Variants in ATP2A1 observed in about 807,000 individuals in gnomAD.
ATP2A1 encodes ATPase sarcoplasmic/endoplasmic reticulum Ca2+ transporting 1.
ATP2A1 carries 83 observed loss-of-function variants against 109.5 expected under a neutral mutation model. That is an observed-to-expected ratio of 0.76 (90% CI 0.63 to 0.91). ATP2A1 has a LOEUF of 0.91. ATP2A1 is among the 40% of genes least tolerant of loss of function. The probability of loss-of-function intolerance (pLI) is 0.00; values close to 1 mark genes in which losing one functional copy is unlikely to be tolerated. For synonymous variants in ATP2A1, 505 were observed against 537.6 expected (o/e 0.94, Z 0.84); for missense variants, 1,101 against 1,341.0 (o/e 0.82, Z 2.80).
chr16:28,878,662 A>C lies in ATP2A1; in HGVS notation c.-10A>C. The C allele has an allele frequency of 6.3e-7, 1 of 1,589,804 alleles. No individual in the cohort carries two copies. Among genetic ancestry groups the C allele is most frequent in the Non-Finnish European group, 8.6e-7 (1 of 1,166,734 alleles). On this transcript the variant is annotated 5_prime_UTR_variant, in exon 1 of 23. Coordinates refer to ENST00000395503, the MANE Select transcript of ATP2A1 (RefSeq NM_004320.6). ...AACACACCGGCCCCGGCCCCCAGGA[A>C]GGGAGCACAATGGAGGCCGCTCATG...
Position 28,898,058 on chromosome 16 carries a change from C to T in ATP2A1, c.1478C>T (p.Ser493Phe). 1 of 1,614,132 alleles carries T rather than the reference C, an allele frequency of 6.2e-7. No homozygotes were observed. Among genetic ancestry groups the T allele is most frequent in the Non-Finnish European group, 8.5e-7 (1 of 1,179,960 alleles). ...FTLEFSRDRKSMSVYCSPAKS... is the reference protein window; with the variant it reads ...FTLEFSRDRKFMSVYCSPAKS... ...CTGGAGTTCTCCCGAGACAGAAAGT[C>T]CATGTCTGTCTATTGCTCCCCAGCC... The change falls in exon 13 of 23, where the codon TCC becomes TTC. Residue 493 changes from serine to phenylalanine, a missense_variant. Physicochemically the swap from Ser to Phe is radical, Grantham distance 155. Transcript: ENST00000395503. This position sits in a 1 kb window ranked among gnomAD's most constrained non-coding sequence, Gnocchi z 4.0.
intron 11 of ATP2A1, 91 bp downstream of exon 11, chr16:28,894,698 C>A: frequency 6.3e-7 from 1 of 1,596,034 alleles, no homozygotes; most frequent in Non-Finnish European, 8.6e-7. Flanking sequence ...ACCCAGTACA[C>A]CCAGCCCTCT....
chr16:28,897,903 G>A (rs2152211437), intron 12 of ATP2A1, 97 bp from the exon 13 acceptor site: 4 of 1,467,896 alleles, frequency 2.7e-6, no homozygotes, highest in Non-Finnish European at 3.8e-6. Flanking sequence ...ACCAGACTTA[G>A]TGTTAGTCTC....
intron 14 of ATP2A1, 86 bp from the exon 15 acceptor site, chr16:28,900,478 CCACTTCCTGACCTTTCA>C: frequency 2.1e-6 from 2 of 938,786 alleles, no homozygotes; most frequent in Non-Finnish European, 3.0e-6. Context: ...CCCCTCCCCA[CCACTTCCTGACCTTTCA>C]CCCCATCCCC....
In ATP2A1 at chr16:28,902,917, G is replaced by C. The variant is rs1211673786; in HGVS notation, c.2744+6G>C. On this transcript the variant is annotated splice_donor_region_variant and intron_variant, in intron 19 of 22. Coordinates refer to ENST00000395503, the MANE Select transcript of ATP2A1 (RefSeq NM_004320.6). This position sits in a 1 kb window ranked among gnomAD's most constrained non-coding sequence, Gnocchi z 4.8. Reference sequence around the variant, plus strand: ...ATGTGCAATGCACTGAACAGGTGGGGGCCCCCCAGCTACACCCACCACCCT... The same window carrying C: ...ATGTGCAATGCACTGAACAGGTGGGCGCCCCCCAGCTACACCCACCACCCT... 1 of 1,613,424 alleles carries C rather than the reference G, an allele frequency of 6.2e-7. No individual in the cohort carries two copies. Among genetic ancestry groups the C allele is most frequent in the African/African-American group, 1.3e-5 (1 of 74,750 alleles).
chr16:28,899,647 GC>G (rs1373771764), intron 14 of ATP2A1, among the ~76,000 whole-genome samples: 59 of 11,702 alleles, frequency 5.0e-3, no homozygotes, highest in Admixed American at 0.019. Flanking sequence ...CCCTGCGCCC[GC>G]CCCCCCCCCC....
intron 12 of ATP2A1, among the ~76,000 whole-genome samples, chr16:28,897,676 G>T (rs1963955385): frequency 6.6e-6 from 1 of 152,024 alleles, no homozygotes; most frequent in Admixed American, 6.6e-5. Context: ...CACCATGTTG[G>T]CCAGGCTGGT....
chr16:28,901,599 T>C (rs1353035440), intron 15 of ATP2A1, among the ~76,000 whole-genome samples: 1 of 151,960 alleles, frequency 6.6e-6, no homozygotes, highest in Non-Finnish European at 1.5e-5. Context: ...CGCCACTGCA[T>C]TCCAGCCTGG....
rs776754142 is a variant in ATP2A1 at position 28,904,247 on chromosome 16, T to A, written c.*105T>A. ...TCCTCCCCACCCCGATAGTGACACA[T>A]CTTCAGGCAGAGCTGTGGCACAGAC... On this transcript the variant is annotated 3_prime_UTR_variant, in exon 23 of 23. Coordinates refer to ENST00000395503, the MANE Select transcript of ATP2A1 (RefSeq NM_004320.6). 6.2e-7 allele frequency: 1 copy of A among 1,613,514 alleles called. No homozygotes were observed. The highest frequency in any genetic ancestry group is 1.1e-5 in the South Asian group (1 of 91,066).
At position 28,898,382 on chromosome 16, in the gene ATP2A1, C is replaced by A. The variant is rs767669406; in HGVS notation, c.1695C>A (p.Ala565=). The change falls in exon 14 of 23, where the codon GCC becomes GCA. Residue 565 remains alanine, a synonymous_variant. Coordinates refer to ENST00000395503, the MANE Select transcript of ATP2A1 (RefSeq NM_004320.6). This position sits in a 1 kb window ranked among gnomAD's most constrained non-coding sequence, Gnocchi z 4.0. The part of the protein sequence containing the change: ...GRDTLRCLAL[A]TRDTPPKREE... ...ACACCCTGCGCTGCTTGGCCCTGGC[C>A]ACCCGGGACACCCCCCCGAAGCGAG... The A allele has an allele frequency of 2.5e-6, 4 of 1,614,068 alleles. No individual in the cohort carries two copies. In the Admixed American group the frequency reaches 5.0e-5, roughly 20 times the overall value.
rs1963444885 is a variant in ATP2A1 at position 28,880,709 on chromosome 16, TC to T, written c.220-203del. Among the ~76,000 whole-genome samples, 2 of 152,342 alleles carry T rather than the reference TC, an allele frequency of 1.3e-5. No homozygotes were observed. Among genetic ancestry groups the T allele is most frequent in the South Asian group, 4.1e-4 (2 of 4,828 alleles). On this transcript the variant is annotated intron_variant, in intron 3 of 22. Coordinates refer to ENST00000395503, the MANE Select transcript of ATP2A1 (RefSeq NM_004320.6). The surrounding 1 kb of genome is among the most constrained non-coding windows in gnomAD (Gnocchi z 4.2). Reference sequence around the variant, plus strand: ...AGTGGTGCAAGTCTGTGCGCGCCCATCCCGCTGAGTAAGGCGGTGGCAGGAC... The same window carrying T: ...AGTGGTGCAAGTCTGTGCGCGCCCATCCGCTGAGTAAGGCGGTGGCAGGAC...
chr16:28,902,464 G>T lies in ATP2A1; in HGVS notation c.2524+78G>T. On this transcript the variant is annotated intron_variant, in intron 17 of 22. Transcript: ENST00000395503. This position sits in a 1 kb window ranked among gnomAD's most constrained non-coding sequence, Gnocchi z 4.8. ...TCTGGGACACCAGCTCCCCCATGCA[G>T]GTGCTGAGAGGGTCTTCTTCCTTGG... 1 of 1,578,530 alleles carries T rather than the reference G, an allele frequency of 6.3e-7. No homozygotes were observed. The highest frequency in any genetic ancestry group is 2.3e-5 in the East Asian group (1 of 44,402).
intron 9 of ATP2A1, chr16:28,892,281 T>C: frequency 4.0e-6 from 1 of 248,768 alleles, no homozygotes; most frequent in Non-Finnish European, 8.5e-6. Context: ...TGTCGTTTTT[T>C]TCTTGGCTAT....
Position 28,902,473 on chromosome 16 carries a change from A to G in ATP2A1, c.2524+87A>G. On this transcript the variant is annotated intron_variant, in intron 17 of 22. Coordinates refer to ENST00000395503, the MANE Select transcript of ATP2A1 (RefSeq NM_004320.6). The surrounding 1 kb of genome is among the most constrained non-coding windows in gnomAD (Gnocchi z 4.8). ...CCAGCTCCCCCATGCAGGTGCTGAG[A>G]GGGTCTTCTTCCTTGGCCAGCCTGT... The G allele has an allele frequency of 1.3e-6, 2 of 1,568,144 alleles. No homozygotes were observed. Among genetic ancestry groups the G allele is most frequent in the South Asian group, 1.1e-5 (1 of 87,408 alleles).
At chr16:28,888,714 T>C in intron 8 of ATP2A1, 73 bp from the exon 9 acceptor site, 1 of 1,534,370 alleles carries the variant, frequency 6.5e-7, no homozygotes, top group South Asian at 1.2e-5. Flanking sequence ...TGGGGGCTAC[T>C]ATTTAGCCCC....
chr16:28,899,986 AAC>A (rs1418895498), intron 14 of ATP2A1, among the ~76,000 whole-genome samples: 9 of 149,178 alleles, frequency 6.0e-5, no homozygotes, highest in African/African-American at 7.4e-5. Flanking sequence ...CAAAAACAAA[AAC>A]AAAAAAAAGG....
At position 28,903,689 on chromosome 16, in the gene ATP2A1, T is replaced by G. The variant is rs1964160492; in HGVS notation, c.2981-11T>G. On this transcript the variant is annotated splice_polypyrimidine_tract_variant and intron_variant, in intron 21 of 22. Transcript: ENST00000395503. The surrounding 1 kb of genome is among the most constrained non-coding windows in gnomAD (Gnocchi z 5.6). ...CTTGATAACAGTGCCTCTTGTCCTC[T>G]CTGGCCATAGGATAACTGTTCCCCC... The G allele has an allele frequency of 1.9e-6, 3 of 1,612,622 alleles. No individual in the cohort carries two copies. Among genetic ancestry groups the G allele is most frequent in the Non-Finnish European group, 2.5e-6 (3 of 1,178,988 alleles).
intron 4 of ATP2A1, chr16:28,881,336 AGAC>A: frequency 2.3e-6 from 1 of 433,848 alleles, no homozygotes; most frequent in South Asian, 2.1e-5. Context: ...GGAATTCAAT[AGAC>A]GCTAGCTTGA....
intron 1 of ATP2A1, 121 bp downstream of exon 1, chr16:28,878,910 C>A: frequency 1.5e-6 from 2 of 1,346,176 alleles, no homozygotes; most frequent in Non-Finnish European, 2.1e-6. Flanking sequence ...GGCCGTTGTC[C>A]AATGCTCGCA....
Sources: allele counts gnomAD v4.1 joint callset (sites outside exome capture counted in the v4.1 genomes callset), GRCh38; gene constraint gnomAD v4.1.1; non-coding constraint Gnocchi (gnomAD v3.1); transcripts MANE v1.5; gene names NCBI Gene and HGNC (gene_info 2026-07-23, HGNC 2026-07-21).